Variants in KIF13A observed in about 807,000 individuals in gnomAD.
KIF13A encodes the protein kinesin family member 13A.
In KIF13A, 79 loss-of-function variants were observed where a neutral mutation model predicts 212.2. The ratio of observed to expected loss-of-function variants is 0.37; its 90% CI spans 0.31 to 0.45. The LOEUF (loss-of-function observed/expected upper bound fraction) is 0.45, where lower values mean the gene tolerates loss of function less well. Ranked by LOEUF, KIF13A falls within the 20% of genes least tolerant of loss-of-function variation. The pLI is 1.00. For synonymous variants in KIF13A, 789 were observed against 808.6 expected (o/e 0.98, Z 0.41); for missense variants, 1,901 against 2,209.0 (o/e 0.86, Z 2.79).
intron 6 of KIF13A, among the ~76,000 whole-genome samples, chr6:17,852,419 A>C (rs1767740924): frequency 6.6e-6 from 1 of 152,176 alleles, no homozygotes; most frequent in South Asian, 2.1e-4. Flanking sequence ...ATAATGTCTT[A>C]AAATGGTATT....
intron 2 of KIF13A, among the ~76,000 whole-genome samples, chr6:17,929,110 C>T (rs967439682): frequency 1.1e-4 from 16 of 140,962 alleles, no homozygotes; most frequent in South Asian, 6.7e-4. Flanking sequence ...GAAAAAGGTA[C>T]AGGATTCTCA....
At position 17,916,567 on chromosome 6, in the gene KIF13A, A is replaced by G. The variant is rs530443840; in HGVS notation, c.147-18387T>C. Among the ~76,000 whole-genome samples, 8 of 152,334 alleles carry G rather than the reference A, an allele frequency of 5.3e-5. No individual in the cohort carries two copies. The South Asian group carries it at 1.5e-3, about 28-fold the overall frequency. On this transcript the variant is annotated intron_variant, in intron 2 of 38. Coordinates refer to ENST00000259711, the MANE Select transcript of KIF13A (RefSeq NM_022113.6). Reference sequence around the variant, plus strand: ...TAACAGCATTTTATTTGAATCTACTATTTATGCAGTTAAAAAGAAACAAAT... The same window carrying G: ...TAACAGCATTTTATTTGAATCTACTGTTTATGCAGTTAAAAAGAAACAAAT...
chr6:17,905,200 T>G (rs1338814052), intron 2 of KIF13A, among the ~76,000 whole-genome samples: 1 of 152,220 alleles, frequency 6.6e-6, no homozygotes, highest in Admixed American at 6.5e-5. Context: ...TCAAGACAAT[T>G]CTTCTTCTTC....
intron 30 of KIF13A, 119 bp downstream of exon 30, chr6:17,781,058 C>T (rs1760525315): frequency 2.8e-6 from 4 of 1,416,018 alleles, no homozygotes; most frequent in Non-Finnish European, 3.9e-6. Flanking sequence ...CACAAATGTT[C>T]TATTTTTTAA....
At chr6:17,848,092 G>A (rs897184938) in intron 9 of KIF13A, among the ~76,000 whole-genome samples, 3 of 152,116 alleles carry the variant, frequency 2.0e-5, no homozygotes, top group East Asian at 1.9e-4. Flanking sequence ...GATTACAGGC[G>A]TGAGCCACCG....
At chr6:17,760,655 C>G (rs1375367075), downstream of KIF13A, 1 of 592,168 alleles carries the variant, frequency 1.7e-6, no homozygotes. Flanking sequence ...GCTGTTGATT[C>G]ACCCAAGTGA....
intron 2 of KIF13A, among the ~76,000 whole-genome samples, chr6:17,976,279 G>A (rs537409375): frequency 6.4e-4 from 97 of 152,316 alleles, no homozygotes; most frequent in African/African-American, 2.2e-3. Flanking sequence ...AGGAGCCCAC[G>A]GAGCGGGTGG....
intron 9 of KIF13A, among the ~76,000 whole-genome samples, chr6:17,841,978 T>C (rs1280008848): frequency 6.0e-5 from 9 of 149,486 alleles, no homozygotes; most frequent in Non-Finnish European, 1.2e-4. Context: ...TAAGTACATG[T>C]ATGTATGTGT....
chr6:17,810,949 G>A (rs1199036554), intron 17 of KIF13A, among the ~76,000 whole-genome samples: 2 of 152,172 alleles, frequency 1.3e-5, no homozygotes, highest in African/African-American at 4.8e-5. Context: ...TTCCTAACAG[G>A]CCACGGACCC....
At position 17,892,892 on chromosome 6, in the gene KIF13A, C is replaced by T. The variant is rs1324736943; in HGVS notation, c.159+5276G>A. ...CTGGCAATATTATGTAAAGGGCGTTCCTGAGTTCTGTGAGCCATTCTAGCA... is the reference window on the plus strand; with the variant it reads ...CTGGCAATATTATGTAAAGGGCGTTTCTGAGTTCTGTGAGCCATTCTAGCA... On this transcript the variant is annotated intron_variant, in intron 3 of 38. Transcript: ENST00000259711. The surrounding 1 kb of genome is among the most constrained non-coding windows in gnomAD (Gnocchi z 4.7). Among the ~76,000 whole-genome samples the T allele has an allele frequency of 2.6e-5, 4 of 152,154 alleles. No homozygotes were observed. Among genetic ancestry groups the T allele is most frequent in the Non-Finnish European group, 2.9e-5 (2 of 68,032 alleles).
At chr6:17,935,081 G>A (rs568045100) in intron 2 of KIF13A, among the ~76,000 whole-genome samples, 1 of 152,258 alleles carries the variant, frequency 6.6e-6, no homozygotes, top group African/African-American at 2.4e-5. Context: ...TTTTTGGCTA[G>A]TTGTGTTATT....
Position 17,794,275 on chromosome 6 carries a change from G to A in KIF13A, c.3196C>T (p.Leu1066Phe). 6.2e-7 allele frequency: 1 copy of A among 1,613,410 alleles called. No homozygotes were observed. The highest frequency in any genetic ancestry group is 8.5e-7 in the Non-Finnish European group (1 of 1,179,448). Residue 1066 changes from leucine (L) to phenylalanine (F), a missense_variant, in exon 25 of 39, where the codon CTC (leucine) becomes TTC (phenylalanine). Coordinates refer to ENST00000259711, the MANE Select transcript of KIF13A (RefSeq NM_022113.6). The surrounding 1 kb of genome is among the most constrained non-coding windows in gnomAD (Gnocchi z 4.1). ...IGCVTARSTK[L>F]QRGLDSYQRD... ...TGGTAACTGTCCAGCCCTCTTTGGA[G>A]TTTGGTGGACCTGGCAGTTACACAG...
chr6:17,975,403 G>A (rs80243684), intron 2 of KIF13A, among the ~76,000 whole-genome samples: 22 of 152,262 alleles, frequency 1.4e-4, no homozygotes, highest in Non-Finnish European at 2.4e-4. Context: ...TGGCGCGTCT[G>A]GAGTTTTTTC....
intron 2 of KIF13A, among the ~76,000 whole-genome samples, chr6:17,977,648 G>T (rs1032918920): frequency 6.6e-6 from 1 of 152,186 alleles, no homozygotes; most frequent in Non-Finnish European, 1.5e-5. Flanking sequence ...CATGGGCAAG[G>T]ACAAAATAAA....
chr6:17,977,289 CATACTT>C (rs1258055714), intron 2 of KIF13A, among the ~76,000 whole-genome samples: 7 of 152,156 alleles, frequency 4.6e-5, no homozygotes, highest in African/African-American at 2.4e-5. Flanking sequence ...TGTCGTCTCT[CATACTT>C]AAATATGGAA....
chr6:17,923,081 G>C (rs963839984), intron 2 of KIF13A, among the ~76,000 whole-genome samples: 2 of 151,882 alleles, frequency 1.3e-5, no homozygotes, highest in African/African-American at 4.8e-5. Flanking sequence ...AGACCAGCCT[G>C]GGCAACATGG....
intron 2 of KIF13A, among the ~76,000 whole-genome samples, chr6:17,966,273 T>C (rs1420346347): frequency 6.6e-6 from 1 of 152,154 alleles, no homozygotes; most frequent in Admixed American, 6.5e-5. Context: ...GCGTTATTTT[T>C]TATGTGTGCT....
intron 16 of KIF13A, among the ~76,000 whole-genome samples, chr6:17,820,323 G>A (rs1012247943): frequency 1.3e-5 from 2 of 152,120 alleles, no homozygotes; most frequent in East Asian, 3.9e-4. Context: ...TCCCAGATCC[G>A]CCCTCACCAC....
In KIF13A at chr6:17,849,235, G is replaced by T; in HGVS notation, c.830+142C>A. The T allele has an allele frequency of 6.7e-6, 4 of 594,108 alleles. No homozygotes were observed. Among genetic ancestry groups the T allele is most frequent in the South Asian group, 6.6e-5 (3 of 45,708 alleles). The allele number at this position is 594,108 out of a possible 1,614,324, so 36.8% of individuals were successfully genotyped here. On this transcript the variant is annotated intron_variant, in intron 9 of 38. Coordinates refer to ENST00000259711, the MANE Select transcript of KIF13A (RefSeq NM_022113.6). This position sits in a 1 kb window ranked among gnomAD's most constrained non-coding sequence, Gnocchi z 5.7. ...TCATACATCTTAACAGACACAGGTT[G>T]TTGTTGTTTTTCTTCAGCCCAGTTT... is the stretch of plus-strand genomic sequence containing the variant.
Sources: gnomAD v4.1 joint callset for allele counts (sites outside exome capture counted in the v4.1 genomes callset) on GRCh38, gnomAD v4.1.1 for gene constraint, Gnocchi (gnomAD v3.1) non-coding constraint, MANE v1.5 for transcripts, NCBI Gene and HGNC (gene_info 2026-07-23, HGNC 2026-07-21) for gene names.